Variants in INTS13 observed in about 807,000 individuals in gnomAD.
INTS13 encodes the protein asunder, spermatogenesis regulator homolog (Drosphila).
In INTS13, 35 loss-of-function variants were observed where a neutral mutation model predicts 90.2. The ratio of observed to expected loss-of-function variants is 0.39; its 90% CI spans 0.30 to 0.51. The LOEUF (loss-of-function observed/expected upper bound fraction) is 0.51. Among genes scored for constraint, INTS13 ranks in the 20% least tolerant of loss-of-function variants. INTS13 has a pLI of 0.80. For missense variants in INTS13, 601 were observed against 851.2 expected (o/e 0.71, Z 3.66); for synonymous variants, 309 against 277.1 (o/e 1.11, Z -1.14).
intron 6 of INTS13, 137 bp from the exon 7 acceptor site, chr12:26,924,620 T>A: frequency 2.2e-6 from 2 of 905,856 alleles, no homozygotes; most frequent in African/African-American, 1.7e-5. Flanking sequence ...ATCCATAAAT[T>A]AACCATGACA....
Position 26,924,378 on chromosome 12 carries a change from T to C in INTS13, c.781A>G (p.Thr261Ala), listed in dbSNP as rs773614284. Reference protein sequence around the residue: ...VQQHFDLASTTITNIPMKEEQ... With the variant: ...VQQHFDLASTAITNIPMKEEQ... ...ACCTTCATTGGAATATTTGTAATAG[T>C]AGTTGAAGCCAAGTCAAAATGTTGC... The change falls in exon 7 of 17, where the codon ACT becomes GCT. Residue 261 changes from threonine to alanine, a missense_variant. Thr to Ala is a moderately conservative substitution (Grantham distance 58). Coordinates refer to ENST00000261191, the MANE Select transcript of INTS13 (RefSeq NM_018164.3). The C allele has an allele frequency of 7.3e-5, 117 of 1,612,716 alleles. No homozygotes were observed. The highest frequency in any genetic ancestry group is 8.8e-5 in the Non-Finnish European group (104 of 1,179,254).
rs139845082 is a variant in INTS13 at position 26,914,209 on chromosome 12, G to A, written c.1420-81C>T. ...AACATCTAGGCAGAACTTGATTTTCGAAAGGATTTTAAAGATTATCATGGT... is the reference window on the plus strand; with the variant it reads ...AACATCTAGGCAGAACTTGATTTTCAAAAGGATTTTAAAGATTATCATGGT... On this transcript the variant is annotated intron_variant, in intron 12 of 16. Transcript: ENST00000261191. The A allele has an allele frequency of 1.9e-4, 254 of 1,332,570 alleles. No homozygotes were observed. The African/African-American group carries it at 3.3e-3, about 17-fold the overall frequency. The allele number at this position is 1,332,570 out of a possible 1,614,324, so 82.5% of individuals were successfully genotyped here.
intron 16 of INTS13, 135 bp from the exon 17 acceptor site, chr12:26,905,671 ATCAGGGTTCC>A: frequency 1.2e-6 from 1 of 855,064 alleles, no homozygotes; most frequent in African/African-American, 1.7e-5. Context: ...AAGGACTAAC[ATCAGGGTTCC>A]TCTAGCTAGG....
intron 5 of INTS13, among the ~76,000 whole-genome samples, chr12:26,927,800 G>C (rs2137533075): frequency 6.6e-6 from 1 of 152,122 alleles, no homozygotes; most frequent in African/African-American, 2.4e-5. Context: ...ATTTTTTGTA[G>C]AGACGGGGTT....
intron 7 of INTS13, among the ~76,000 whole-genome samples, 163 bp downstream of exon 7, chr12:26,924,192 T>C (rs1937738310): frequency 6.6e-6 from 1 of 152,170 alleles, no homozygotes; most frequent in South Asian, 2.1e-4. Flanking sequence ...GGGATCGTAC[T>C]ATGTTGACCA....
intron 15 of INTS13, among the ~76,000 whole-genome samples, chr12:26,910,437 T>TA (rs1436423675): frequency 6.6e-6 from 1 of 152,216 alleles, no homozygotes; most frequent in African/African-American, 2.4e-5. Flanking sequence ...AAGGCTGTGA[T>TA]ACGGTTTGGC....
chr12:26,926,191 C>G (rs1177275594), intron 5 of INTS13, among the ~76,000 whole-genome samples: 2 of 152,106 alleles, frequency 1.3e-5, no homozygotes, highest in Non-Finnish European at 2.9e-5. Context: ...ACTAATATTT[C>G]TTAAGGATAA....
At chr12:26,920,818 C>G (rs1341513059) in intron 8 of INTS13, among the ~76,000 whole-genome samples, 1 of 152,096 alleles carries the variant, frequency 6.6e-6, no homozygotes, top group Non-Finnish European at 1.5e-5. Context: ...GTTTATATAT[C>G]CCTGCATCAT....
At chr12:26,928,362 A>G in intron 4 of INTS13, 77 bp from the exon 5 acceptor site, 1 of 1,151,460 alleles carries the variant, frequency 8.7e-7, no homozygotes, top group Non-Finnish European at 1.3e-6. Flanking sequence ...CTTCCGCTTT[A>G]ATATGGTGTT....
Position 26,913,507 on chromosome 12 carries a change from C to T in INTS13, c.1755G>A (p.Glu585=). The stretch of plus-strand genomic sequence containing the variant: ...CCTGTTCATAATCTTTCACTGCTTT[C>T]TCTGACTTGTCCTCTTTGTCTTCCC... ...RKREDKEDKS[E]KAVKDYEQEK... The change falls in exon 14 of 17, where the codon GAG becomes GAA. Residue 585 remains glutamate, a synonymous_variant. Transcript: ENST00000261191. 1 of 1,614,120 alleles carries T rather than the reference C, an allele frequency of 6.2e-7. No homozygotes were observed. The highest frequency in any genetic ancestry group is 1.1e-5 in the South Asian group (1 of 91,078).
At chr12:26,913,818 A>G (rs1951858576) in intron 13 of INTS13, 131 bp from the exon 14 acceptor site, 4 of 1,110,726 alleles carry the variant, frequency 3.6e-6, no homozygotes, top group Non-Finnish European at 5.1e-6. Flanking sequence ...ATTCTAGGCT[A>G]CAATATATCC....
At chr12:26,913,876 G>A in intron 13 of INTS13, 98 bp downstream of exon 13, 2 of 1,204,976 alleles carry the variant, frequency 1.7e-6, no homozygotes, top group Non-Finnish European at 2.3e-6. Context: ...ATATAAACAT[G>A]TCCTCAAATA....
At chr12:26,913,309 T>C in intron 14 of INTS13, 148 bp downstream of exon 14, 1 of 658,382 alleles carries the variant, frequency 1.5e-6, no homozygotes, top group Non-Finnish European at 2.6e-6. Context: ...CTCTAGATTT[T>C]AAGAATGATA....
intron 14 of INTS13, among the ~76,000 whole-genome samples, chr12:26,912,965 A>G (rs1343926992): frequency 6.6e-6 from 1 of 152,076 alleles, no homozygotes; most frequent in Non-Finnish European, 1.5e-5. Flanking sequence ...TCCTGACCTC[A>G]AGTGATCCAC....
chr12:26,909,170 G>A (rs1249766723), intron 15 of INTS13, among the ~76,000 whole-genome samples: 1 of 152,182 alleles, frequency 6.6e-6, no homozygotes, highest in African/African-American at 2.4e-5. Flanking sequence ...AGACCAGCCT[G>A]ACCAACATGG....
At chr12:26,927,543 T>C (rs561155940) in intron 5 of INTS13, among the ~76,000 whole-genome samples, 1 of 152,224 alleles carries the variant, frequency 6.6e-6, no homozygotes, top group African/African-American at 2.4e-5. Context: ...TGTTTAGATG[T>C]GGTACATACT....
rs748577828 is a variant in INTS13, at chr12:26,914,155, GA to G, written c.1420-28del. On this transcript the variant is annotated intron_variant, in intron 12 of 16. Transcript: ENST00000261191. ...TGTTAGATTTTTTTTAAAGAAAAAA[GA>G]AAATCTGTCTTGAAAAATAAATATC... The G allele has an allele frequency of 1.5e-5, 23 of 1,533,020 alleles. No homozygotes were observed. The African/African-American group carries it at 3.0e-4, about 20-fold the overall frequency. 95.0% of individuals were successfully genotyped at this position (1,533,020 alleles called of 1,614,324 possible). A position where few individuals can be genotyped will look rare whatever the true frequency, so the allele number is the denominator to read the frequency against.
At chr12:26,920,784 G>A (rs148317864) in intron 8 of INTS13, among the ~76,000 whole-genome samples, 1 of 152,226 alleles carries the variant, frequency 6.6e-6, no homozygotes, top group Non-Finnish European at 1.5e-5. Flanking sequence ...TCAAAAACAA[G>A]TTCTCTATAT....
At chr12:26,906,623 C>T (rs1951618137) in intron 15 of INTS13, 186 bp from the exon 16 acceptor site, 1 of 626,682 alleles carries the variant, frequency 1.6e-6, no homozygotes, top group South Asian at 2.1e-5. Flanking sequence ...TTATGTGTTT[C>T]AGGGTCCCCA....
Sources: gnomAD v4.1 joint callset for allele counts (sites outside exome capture counted in the v4.1 genomes callset) on GRCh38, gnomAD v4.1.1 for gene constraint, MANE v1.5 for transcripts, NCBI Gene and HGNC (gene_info 2026-07-23, HGNC 2026-07-21) for gene names.